KAZN: variants seen among roughly 807,000 people sequenced by gnomAD.
KAZN encodes kazrin.
A neutral mutation model predicts 87.4 loss-of-function variants in KAZN; 40 were observed. That is an observed-to-expected ratio of 0.46 (90% CI 0.36 to 0.60). KAZN has a LOEUF of 0.60. KAZN is among the 20% of genes least tolerant of loss of function. KAZN has a pLI of 0.00. For missense variants in KAZN, 898 were observed against 1,073.9 expected, an observed-to-expected ratio of 0.84 and a Z score of 2.29; for synonymous variants, 466 against 458.3, an observed-to-expected ratio of 1.02 and a Z score of -0.22.
chr1:14,696,536 G>T (rs928170368), intron 1 of KAZN, among the ~76,000 whole-genome samples: 4 of 152,206 alleles, frequency 2.6e-5, no homozygotes, highest in Non-Finnish European at 5.9e-5. Context: ...AGTCAGGCAG[G>T]TGAGGGGTTT....
At chr1:14,303,060 T>C (rs1654668745) in intron 2 of KAZN, among the ~76,000 whole-genome samples, 1 of 152,202 alleles carries the variant, frequency 6.6e-6, no homozygotes, top group African/African-American at 2.4e-5. Flanking sequence ...GGTACATTTT[T>C]CTTCAAGTTC....
At chr1:14,370,829 C>A (rs1475344865) in intron 2 of KAZN, among the ~76,000 whole-genome samples, 2 of 152,158 alleles carry the variant, frequency 1.3e-5, no homozygotes, top group Non-Finnish European at 2.9e-5. Flanking sequence ...GGACTACGGG[C>A]ATGTGCTACC....
intron 8 of KAZN, among the ~76,000 whole-genome samples, chr1:15,084,166 T>C (rs548581114): frequency 6.6e-6 from 1 of 152,366 alleles, no homozygotes; most frequent in South Asian, 2.1e-4. Flanking sequence ...GTATTTCCCA[T>C]AACCTGGACT....
At chr1:14,728,051 C>T (rs899182526) in intron 1 of KAZN, among the ~76,000 whole-genome samples, 8 of 151,582 alleles carry the variant, frequency 5.3e-5, no homozygotes, top group African/African-American at 7.3e-5. Context: ...TTTGGGAGGC[C>T]GAGACGGGCG....
chr1:14,258,222 T>C (rs866583796), intron 2 of KAZN, among the ~76,000 whole-genome samples: 4 of 143,326 alleles, frequency 2.8e-5, no homozygotes, highest in Non-Finnish European at 4.5e-5. Context: ...TTCTTTCTTT[T>C]TTTTTTTTTT....
chr1:14,329,816 C>A (rs1364145353), intron 2 of KAZN, among the ~76,000 whole-genome samples: 1 of 152,226 alleles, frequency 6.6e-6, no homozygotes, highest in Non-Finnish European at 1.5e-5. Context: ...CAGCTCAGTG[C>A]AAAGCACTGG....
chr1:14,926,602 G>A (rs978213759), intron 1 of KAZN, among the ~76,000 whole-genome samples: 7 of 152,054 alleles, frequency 4.6e-5, no homozygotes, highest in African/African-American at 1.7e-4. Flanking sequence ...AGACCAAATC[G>A]AGTTTCTGAG....
intron 2 of KAZN, among the ~76,000 whole-genome samples, chr1:14,396,876 G>A (rs1007427548): frequency 6.7e-6 from 1 of 149,674 alleles, no homozygotes; most frequent in African/African-American, 2.5e-5. Flanking sequence ...TTTTAAGACA[G>A]ATTCCATTTT....
rs113834687 is a variant in KAZN at position 14,260,459 on chromosome 1, C to T, written c.249+79867C>T. Among the ~76,000 whole-genome samples, 96 of 152,210 alleles carry T rather than the reference C, an allele frequency of 6.3e-4. 1 individual carries two copies. The highest frequency in any genetic ancestry group is 2.1e-3 in the African/African-American group (86 of 41,514). ...GCAAAGGCCCTGGGACAGAGCATTT[C>T]GATGACCCGCATGGCTGGAGCAGGG... On this transcript the variant is annotated intron_variant, in intron 2 of 16. Transcript: ENST00000636203.
chr1:14,915,762 G>T (rs1179293565), intron 1 of KAZN, among the ~76,000 whole-genome samples: 1 of 152,130 alleles, frequency 6.6e-6, no homozygotes, highest in Non-Finnish European at 1.5e-5. Context: ...AGTCCTTTTT[G>T]TCTCCCTAAA....
At chr1:14,894,590 C>G (rs574715887) in intron 1 of KAZN, among the ~76,000 whole-genome samples, 45 of 152,352 alleles carry the variant, frequency 3.0e-4, no homozygotes, top group Middle Eastern at 3.4e-3. Context: ...CCTCCTGGAG[C>G]CTTCCCGGCC....
chr1:14,133,525 CA>C (rs1645044053), intron 1 of KAZN, among the ~76,000 whole-genome samples: 1 of 152,012 alleles, frequency 6.6e-6, no homozygotes, highest in African/African-American at 2.4e-5. Flanking sequence ...CCTCAGTGGA[CA>C]AATGCTGACT....
At chr1:14,139,517 GTTC>G (rs1645185765) in intron 1 of KAZN, among the ~76,000 whole-genome samples, 1 of 152,372 alleles carries the variant, frequency 6.6e-6, no homozygotes, top group East Asian at 1.9e-4. Flanking sequence ...TTTTGTTGTT[GTTC>G]TTCCTCCTGG....
intron 1 of KAZN, among the ~76,000 whole-genome samples, chr1:14,724,236 T>C (rs756935444): frequency 2.6e-5 from 4 of 151,664 alleles, no homozygotes; most frequent in Non-Finnish European, 4.4e-5. Context: ...AAAAACAGGA[T>C]AGGGAAAAAA....
At chr1:13,973,019 G>A (rs1321645164) in intron 1 of KAZN, among the ~76,000 whole-genome samples, 1 of 152,202 alleles carries the variant, frequency 6.6e-6, no homozygotes, top group African/African-American at 2.4e-5. Flanking sequence ...CTCTCAAGGG[G>A]CTTCTTTCTT....
intron 2 of KAZN, among the ~76,000 whole-genome samples, chr1:14,258,515 G>A (rs935114614): frequency 6.6e-5 from 10 of 151,610 alleles, no homozygotes; most frequent in Non-Finnish European, 1.0e-4. Context: ...GATTACAGGC[G>A]TGAGCCACTG....
At chr1:14,390,094 G>GTT (rs74498664) in intron 2 of KAZN, among the ~76,000 whole-genome samples, 1 of 151,866 alleles carries the variant, frequency 6.6e-6, no homozygotes, top group Non-Finnish European at 1.5e-5. Context: ...AAATTTCACT[G>GTT]TTTTTTTTCC....
chr1:14,036,680 A>C (rs563323763), intron 1 of KAZN, among the ~76,000 whole-genome samples: 3 of 152,146 alleles, frequency 2.0e-5, no homozygotes, highest in Non-Finnish European at 4.4e-5. Context: ...GGAAAGTAGA[A>C]TAGAATAGGA....
rs112667110 is a variant in KAZN, at chr1:14,695,510, C to CTTTTTT, written c.226+96297_226+96302dup. 2.5e-3 allele frequency among the ~76,000 whole-genome samples: 215 copies of CTTTTTT among 85,066 alleles called. 33 individuals are homozygous for CTTTTTT. Among genetic ancestry groups the CTTTTTT allele is most frequent in the African/African-American group, 5.0e-3 (137 of 27,592 alleles). 55.8% of individuals were successfully genotyped at this position (85,066 alleles called of 152,430 possible). On this transcript the variant is annotated intron_variant, in intron 1 of 14. Coordinates refer to ENST00000376030, the MANE Select transcript of KAZN (RefSeq NM_201628.3). ...CCTCTTTCCCCAGACTACATTCCAT[C>CTTTTTT]TTTTTTTTTTTTTTTGATGGAGTCT...
Sources: gnomAD v4.1 joint callset for allele counts (sites outside exome capture counted in the v4.1 genomes callset) on GRCh38, gnomAD v4.1.1 for gene constraint, MANE v1.5 for transcripts, NCBI Gene and HGNC (gene_info 2026-07-23, HGNC 2026-07-21) for gene names.